ZC3H4: variants seen among roughly 807,000 people sequenced by gnomAD.
ZC3H4 encodes the protein zinc finger CCCH-type containing 4.
Under a neutral mutation model 108.3 loss-of-function variants are expected in ZC3H4, and 13 were observed. The observed-to-expected ratio is 0.12, with a 90% CI of 0.08 to 0.19. The LOEUF (loss-of-function observed/expected upper bound fraction) is 0.19. ZC3H4 is among the 10% of genes least tolerant of loss of function. The pLI, the probability that ZC3H4 is intolerant of heterozygous loss-of-function variation, is 1.00. For missense variants in ZC3H4, 1,734 were observed against 1,838.8 expected, an observed-to-expected ratio of 0.94 and a Z score of 1.04; for synonymous variants, 917 against 749.6, an observed-to-expected ratio of 1.22 and a Z score of -3.65.
chr19:47,066,433 C>T lies in ZC3H4; in HGVS notation c.3835G>A (p.Glu1279Lys), dbSNP rs749375967. 21 of 1,571,494 alleles carry T rather than the reference C, an allele frequency of 1.3e-5. No homozygotes were observed. The Admixed American group carries it at 1.9e-4, about 14-fold the overall frequency. The stretch of plus-strand genomic sequence containing the variant: ...AGGGATGCCGCATCCTGCTCACCCT[C>T]GCGGGCCGGACTGTTCCCAGCAAAT... ...SPFAGNSPAR[E>K]GEQDAASLKD... Residue 1279 changes from glutamate (E) to lysine (K), a missense_variant, in exon 15 of 15, where the codon GAG (glutamate) becomes AAG (lysine). This residue lies in a region of ZC3H4 where 518 missense variants were observed against 499.6 expected (regional missense o/e 1.04). Coordinates refer to ENST00000253048, the MANE Select transcript of ZC3H4 (RefSeq NM_015168.2).
intron 2 of ZC3H4, among the ~76,000 whole-genome samples, chr19:47,098,719 G>A (rs1220717760): frequency 4.6e-5 from 7 of 152,180 alleles, no homozygotes; most frequent in South Asian, 2.1e-4. Context: ...AGCCAAGATC[G>A]CGCCACTGCA....
intron 2 of ZC3H4, among the ~76,000 whole-genome samples, chr19:47,106,284 G>A (rs2057967239): frequency 6.6e-6 from 1 of 152,156 alleles, no homozygotes; most frequent in Non-Finnish European, 1.5e-5. Context: ...CGTGTGGAGA[G>A]AACATGGCAG....
At chr19:47,103,505 C>T (rs1024282608) in intron 2 of ZC3H4, among the ~76,000 whole-genome samples, 3 of 151,944 alleles carry the variant, frequency 2.0e-5, no homozygotes, top group Non-Finnish European at 4.4e-5. Context: ...GGTTTCAGGC[C>T]GGGCGCAGTG....
chr19:47,089,885 G>C, intron 5 of ZC3H4, 82 bp downstream of exon 5: 1 of 1,451,256 alleles, frequency 6.9e-7, no homozygotes, highest in Non-Finnish European at 9.5e-7. Context: ...GACCAAACTT[G>C]AGGTTCTGTG....
chr19:47,097,868 C>T (rs530563025), intron 2 of ZC3H4, among the ~76,000 whole-genome samples: 81 of 152,296 alleles, frequency 5.3e-4, no homozygotes, highest in African/African-American at 1.9e-3. Flanking sequence ...CACTCTATTC[C>T]CAGAGCCTGG....
At chr19:47,095,558 CA>C (rs1028490494) in intron 2 of ZC3H4, among the ~76,000 whole-genome samples, 1 of 152,182 alleles carries the variant, frequency 6.6e-6, no homozygotes, top group Non-Finnish European at 1.5e-5. Context: ...CGTGTCACCC[CA>C]ATCTCCAGGA....
In ZC3H4 at chr19:47,072,233, A is replaced by ACTCCCACAGCTGGGGAGAGAGGCAGGACT. The variant is rs1479081645; in HGVS notation, c.1802+90_1803-113dup. The ACTCCCACAGCTGGGGAGAGAGGCAGGACT allele has an allele frequency of 9.4e-6, 13 of 1,387,542 alleles. No individual in the cohort carries two copies. The highest frequency in any genetic ancestry group is 1.2e-5 in the Non-Finnish European group (12 of 1,027,314). The allele number at this position is 1,387,542 out of a possible 1,614,324, so 86.0% of individuals were successfully genotyped here. On this transcript the variant is annotated intron_variant, in intron 12 of 14. Transcript: ENST00000253048. This position sits in a 1 kb window ranked among gnomAD's most constrained non-coding sequence, Gnocchi z 5.6. ...CGAAGGTCATGGGCCCCAGACCAGG[A>ACTCCCACAGCTGGGGAGAGAGGCAGGACT]CTCCCACAGCTGGGGAGAGAGGCAG...
intron 11 of ZC3H4, among the ~76,000 whole-genome samples, chr19:47,075,184 GA>G (rs2057398317): frequency 6.6e-6 from 1 of 152,130 alleles, no homozygotes; most frequent in Non-Finnish European, 1.5e-5. Flanking sequence ...CGACGCGGTG[GA>G]ACCCCTCTGT....
intron 8 of ZC3H4, among the ~76,000 whole-genome samples, 190 bp from the exon 9 acceptor site, chr19:47,084,645 G>C (rs1198108370): frequency 5.3e-5 from 8 of 152,198 alleles, no homozygotes; most frequent in Non-Finnish European, 1.0e-4. Flanking sequence ...GGGTGTTGCT[G>C]CCTGGTGAGG....
Position 47,112,600 on chromosome 19 carries a change from G to T in ZC3H4, c.-5-11C>A, listed in dbSNP as rs983336280. 9.1e-5 allele frequency: 110 copies of T among 1,207,372 alleles called. No individual in the cohort carries two copies. Among genetic ancestry groups the T allele is most frequent in the Non-Finnish European group, 1.1e-4 (107 of 963,948 alleles). The allele number at this position is 1,207,372 out of a possible 1,614,324, so 74.8% of individuals were successfully genotyped here. The stretch of plus-strand genomic sequence containing the variant: ...CGGCCTCCATAGTTCCTTTGGGGGG[G>T]AGGGGATGTTAATGCACGAAAAAGG... On this transcript the variant is annotated splice_polypyrimidine_tract_variant and intron_variant, in intron 1 of 14. Transcript: ENST00000253048.
At chr19:47,080,131 A>C (rs923383412) in intron 11 of ZC3H4, among the ~76,000 whole-genome samples, 2 of 152,104 alleles carry the variant, frequency 1.3e-5, no homozygotes, top group African/African-American at 4.8e-5. Flanking sequence ...AAAAATAGCC[A>C]ATCTCCTAGA....
chr19:47,089,591 T>A (rs2057694953), intron 5 of ZC3H4, among the ~76,000 whole-genome samples: 1 of 152,206 alleles, frequency 6.6e-6, no homozygotes, highest in Non-Finnish European at 1.5e-5. Context: ...TGGCAAGGAC[T>A]GCAGTCACAC....
chr19:47,084,608 C>A (rs1011067293), intron 8 of ZC3H4, among the ~76,000 whole-genome samples, 153 bp from the exon 9 acceptor site: 1 of 152,186 alleles, frequency 6.6e-6, no homozygotes, highest in Admixed American at 6.5e-5. Context: ...ACGGAGGCTG[C>A]GTGCACCTTA....
chr19:47,073,726 C>T (rs2057369614), intron 11 of ZC3H4, among the ~76,000 whole-genome samples: 2 of 152,240 alleles, frequency 1.3e-5, no homozygotes, highest in South Asian at 2.1e-4. Flanking sequence ...CCTCTACCCC[C>T]AGCCCCCGGC....
chr19:47,091,808 G>A (rs1000258808), intron 4 of ZC3H4, among the ~76,000 whole-genome samples: 5 of 149,134 alleles, frequency 3.4e-5, no homozygotes, highest in Non-Finnish European at 5.9e-5. Flanking sequence ...CAGGAGAATC[G>A]CTTGAACCAG....
intron 2 of ZC3H4, among the ~76,000 whole-genome samples, chr19:47,099,271 C>T (rs535588583): frequency 4.6e-5 from 7 of 152,126 alleles, no homozygotes; most frequent in East Asian, 1.9e-4. Flanking sequence ...ACCAGCCTGA[C>T]CAACATGGAG....
chr19:47,110,219 G>C (rs892094049), intron 2 of ZC3H4, among the ~76,000 whole-genome samples: 4 of 152,084 alleles, frequency 2.6e-5, no homozygotes, highest in East Asian at 1.9e-4. Flanking sequence ...TGGGGAGTGG[G>C]GGGGAGGGGA....
At chr19:47,094,311 C>G (rs754188510) in intron 3 of ZC3H4, 78 bp downstream of exon 3, 7 of 1,516,484 alleles carry the variant, frequency 4.6e-6, no homozygotes, top group African/African-American at 2.8e-5. Context: ...CTGGGGTGGA[C>G]AGCAAAAGCT....
Position 47,093,978 on chromosome 19 carries a change from A to G in ZC3H4, c.484T>C (p.Tyr162His), listed in dbSNP as rs1333331455. 1 of 1,613,116 alleles carries G rather than the reference A, an allele frequency of 6.2e-7. No homozygotes were observed. The highest frequency in any genetic ancestry group is 8.5e-7 in the Non-Finnish European group (1 of 1,179,216). The change falls in exon 4 of 15, where the codon TAT becomes CAT. Residue 162 changes from tyrosine to histidine, a missense_variant. This residue lies in a region of ZC3H4 where 403 missense variants were observed against 457.0 expected (regional missense o/e 0.88). Transcript: ENST00000253048. ...HRKYREYSPP[Y>H]APSHQQYPPS... Reference sequence around the variant, plus strand: ...GCATGCCAGTCACTCACCGGCGCATATGGGGGGCTGTACTCTCTGTACTTG... The same window carrying G: ...GCATGCCAGTCACTCACCGGCGCATGTGGGGGGCTGTACTCTCTGTACTTG...
Sources: gnomAD v4.1 joint callset for allele counts (sites outside exome capture counted in the v4.1 genomes callset) on GRCh38, gnomAD v4.1.1 for gene constraint, gnomAD v4.1.1 regional missense constraint, Gnocchi (gnomAD v3.1) non-coding constraint, MANE v1.5 for transcripts, NCBI Gene and HGNC (gene_info 2026-07-23, HGNC 2026-07-21) for gene names.